Variants in CD86 observed in about 807,000 individuals in gnomAD.
CD86 encodes T-lymphocyte activation antigen CD86.
In CD86, 11 loss-of-function variants were observed where a neutral mutation model predicts 32.1. The ratio of observed to expected loss-of-function variants is 0.34; its 90% CI spans 0.22 to 0.57. The LOEUF is 0.57. CD86 is among the 20% of genes least tolerant of loss of function. The pLI, the probability that CD86 is intolerant of heterozygous loss-of-function variation, is 0.86. For synonymous variants in CD86, 137 were observed against 135.3 expected (o/e 1.01, Z -0.09); for missense variants, 359 against 398.4 (o/e 0.90, Z 0.84).
intron 1 of CD86, among the ~76,000 whole-genome samples, chr3:122,058,015 A>C (rs1408234551): frequency 6.6e-6 from 1 of 152,220 alleles, no homozygotes; most frequent in African/African-American, 2.4e-5. Context: ...TGTAATTCCC[A>C]GTTTCTTGTC....
intron 4 of CD86, among the ~76,000 whole-genome samples, chr3:122,107,513 G>T (rs1404878759): frequency 6.6e-6 from 1 of 152,168 alleles, no homozygotes; most frequent in Admixed American, 6.5e-5. Context: ...TTACCCAGGA[G>T]GGCATGTGTC....
intron 5 of CD86, among the ~76,000 whole-genome samples, chr3:122,113,569 T>C (rs1215410277): frequency 6.6e-6 from 1 of 152,220 alleles, no homozygotes; most frequent in Non-Finnish European, 1.5e-5. Context: ...AGGTGGTATC[T>C]CATGGTGGTT....
chr3:122,062,680 C>A (rs1312926847), intron 1 of CD86, among the ~76,000 whole-genome samples: 2 of 152,078 alleles, frequency 1.3e-5, no homozygotes. Flanking sequence ...GTTAATAAAT[C>A]ATCTTCTATT....
At chr3:122,089,215 T>C (rs946968592) in intron 1 of CD86, among the ~76,000 whole-genome samples, 1 of 152,192 alleles carries the variant, frequency 6.6e-6, no homozygotes, top group African/African-American at 2.4e-5. Context: ...AGAGGCTTAG[T>C]TTTGCAAGAT....
At chr3:122,064,246 A>G (rs9872483) in intron 1 of CD86, among the ~76,000 whole-genome samples, 22,664 of 151,974 alleles carry the variant, frequency 0.15, 2,241 homozygotes, top group East Asian at 0.55. Context: ...CCAAGAGGAA[A>G]AAAAAAAAGC....
chr3:122,092,370 C>A (rs1375753132), intron 2 of CD86, among the ~76,000 whole-genome samples: 1 of 152,186 alleles, frequency 6.6e-6, no homozygotes. Context: ...GATATTGTAA[C>A]CACAATAAGT....
At chr3:122,073,835 G>C (rs2072522235) in intron 1 of CD86, among the ~76,000 whole-genome samples, 2 of 152,202 alleles carry the variant, frequency 1.3e-5, no homozygotes, top group Non-Finnish European at 2.9e-5. Flanking sequence ...TTCTGTCCAT[G>C]AATCCAAGTA....
chr3:122,070,543 A>T (rs1217178756), intron 1 of CD86, among the ~76,000 whole-genome samples: 1 of 152,228 alleles, frequency 6.6e-6, no homozygotes, highest in Non-Finnish European at 1.5e-5. Flanking sequence ...TTTAAAGTAC[A>T]AGTTAAAATT....
chr3:122,106,219 T>C lies in CD86; in HGVS notation c.422T>C (p.Ile141Thr). Residue 141 changes from isoleucine to threonine, a missense_variant, in exon 4 of 7, where the codon ATA becomes ACA. By Grantham distance (89) the Ile-to-Thr change is moderately conservative (BLOSUM62 -1). Transcript: ENST00000330540. Reference protein sequence around the residue: ...SVLANFSQPEIVPISNITENV... With the variant: ...SVLANFSQPETVPISNITENV... ...TCAGCTAACTTCAGTCAACCTGAAA[T>C]AGTACCAATTTCTAATATAACAGAA... is the stretch of plus-strand genomic sequence containing the variant. 6.2e-7 allele frequency: 1 copy of C among 1,607,428 alleles called. No individual in the cohort carries two copies. Among genetic ancestry groups the C allele is most frequent in the Non-Finnish European group, 8.5e-7 (1 of 1,177,150 alleles).
At chr3:122,080,354 A>G (rs1356046290) in intron 1 of CD86, among the ~76,000 whole-genome samples, 1 of 152,172 alleles carries the variant, frequency 6.6e-6, no homozygotes, top group East Asian at 1.9e-4. Context: ...CTTGATTCAG[A>G]AAGTTTCGAT....
intron 6 of CD86, among the ~76,000 whole-genome samples, chr3:122,118,822 T>C (rs1004626463): frequency 6.6e-6 from 1 of 152,230 alleles, no homozygotes; most frequent in South Asian, 2.1e-4. Context: ...GTTGAAAGAA[T>C]GATTGATGCA....
intron 1 of CD86, 103 bp from the exon 2 acceptor site, chr3:122,091,497 AC>A: frequency 1.1e-6 from 1 of 884,338 alleles, no homozygotes; most frequent in Non-Finnish European, 1.9e-6. Context: ...ACACCCGAGA[AC>A]CCAAGTGAAT....
Position 122,120,789 on chromosome 3 carries a change from T to C in CD86, c.*1255T>C, listed in dbSNP as rs1329804100. 6.6e-6 allele frequency: 1 copy of C among 152,586 alleles called. No individual in the cohort carries two copies. The highest frequency in any genetic ancestry group is 1.5e-5 in the Non-Finnish European group (1 of 68,294). The allele number at this position is 152,586 out of a possible 1,614,324, so 9.5% of individuals were successfully genotyped here. The stretch of plus-strand genomic sequence containing the variant: ...GCTGGCCCAGCATAGGGCTAGCAAA[T>C]TTGAGTTGGATGATTGTTTTTGCTC... On this transcript the variant is annotated 3_prime_UTR_variant, in exon 7 of 7. Coordinates refer to ENST00000330540, the MANE Select transcript of CD86 (RefSeq NM_175862.5).
chr3:122,085,218 T>C (rs978854467), intron 1 of CD86, among the ~76,000 whole-genome samples: 2 of 152,226 alleles, frequency 1.3e-5, no homozygotes, highest in African/African-American at 2.4e-5. Flanking sequence ...TTTCTCCATA[T>C]TGCTGTCACG....
intron 1 of CD86, among the ~76,000 whole-genome samples, chr3:122,057,955 C>T (rs1161740492): frequency 6.6e-6 from 1 of 152,188 alleles, no homozygotes; most frequent in Non-Finnish European, 1.5e-5. Context: ...GTTTGAATAC[C>T]AGTTCCCCAA....
intron 1 of CD86, among the ~76,000 whole-genome samples, chr3:122,070,343 A>G (rs1014917479): frequency 6.6e-6 from 1 of 152,144 alleles, no homozygotes; most frequent in Non-Finnish European, 1.5e-5. Flanking sequence ...ATAAAAGAAG[A>G]TTCCCCAGGG....
chr3:122,091,941 G>A lies in CD86; in HGVS notation c.64+291G>A, dbSNP rs1169749006. 1.8e-5 allele frequency: 6 copies of A among 338,384 alleles called. No homozygotes were observed. The East Asian group carries it at 3.1e-4, about 17-fold the overall frequency. The allele number at this position is 338,384 out of a possible 1,614,324, so 21.0% of individuals were successfully genotyped here. On this transcript the variant is annotated intron_variant, in intron 2 of 6. Coordinates refer to ENST00000330540, the MANE Select transcript of CD86 (RefSeq NM_175862.5). ...AGTAGGGTAGCCTGGCCCATCCCATGGGGATGGGGGAAGGCTGCTGCACTG... is the reference window on the plus strand; with the variant it reads ...AGTAGGGTAGCCTGGCCCATCCCATAGGGATGGGGGAAGGCTGCTGCACTG...
At position 122,063,895 on chromosome 3, in the gene CD86, G is replaced by T. The variant is rs139143946; in HGVS notation, c.14+8392G>T. Among the ~76,000 whole-genome samples the T allele has an allele frequency of 6.8e-3, 1,041 of 152,320 alleles. 12 individuals are homozygous for T. Among genetic ancestry groups the T allele is most frequent in the African/African-American group, 0.022 (927 of 41,564 alleles). ...AAAGCTCCATATCAGGAATTGAGAA[G>T]CCGGTGTTTTAATTGAGAATATATT... On this transcript the variant is annotated intron_variant, in intron 1 of 6. Coordinates refer to ENST00000330540, the MANE Select transcript of CD86 (RefSeq NM_175862.5).
At chr3:122,100,208 T>C (rs909748850) in intron 2 of CD86, among the ~76,000 whole-genome samples, 5 of 152,216 alleles carry the variant, frequency 3.3e-5, no homozygotes, top group African/African-American at 1.2e-4. Context: ...TTGCATCTAA[T>C]GCCAAAATCC....
Sources: allele counts gnomAD v4.1 joint callset (sites outside exome capture counted in the v4.1 genomes callset), GRCh38; gene constraint gnomAD v4.1.1; transcripts MANE v1.5; gene names NCBI Gene and HGNC (gene_info 2026-07-23, HGNC 2026-07-21).